KLHL2: variants seen among roughly 807,000 people sequenced by gnomAD.
The protein encoded by KLHL2 is kelch-like protein 2.
Under a neutral mutation model 75.8 loss-of-function variants are expected in KLHL2, and 15 were observed. The ratio of observed to expected loss-of-function variants is 0.20; its 90% confidence interval spans 0.13 to 0.30. The LOEUF (loss-of-function observed/expected upper bound fraction) is 0.30, where lower values mean the gene tolerates loss of function less well. Among genes scored for constraint, KLHL2 ranks in the 10% least tolerant of loss-of-function variants. The pLI, the probability that KLHL2 is intolerant of heterozygous loss-of-function variation, is 1.00. For synonymous variants in KLHL2, 214 were observed against 251.9 expected (o/e 0.85, Z 1.42); for missense variants, 381 against 741.0 (o/e 0.51, Z 5.64).
In KLHL2 at chr4:165,251,554, T is replaced by C. The variant is rs887258572; in HGVS notation, c.382-11643T>C. 4.6e-5 allele frequency among the ~76,000 whole-genome samples: 7 copies of C among 151,974 alleles called. 1 individual carries two copies. Among genetic ancestry groups the C allele is most frequent in the Admixed American group, 1.3e-4 (2 of 15,282 alleles). On this transcript the variant is annotated intron_variant, in intron 4 of 14. Transcript: ENST00000226725. ...CTAGTTTGAGAAAACCTAGAAACCT[T>C]AGTATAAGAGCATCTTATAAAGCTA...
At chr4:165,238,007 G>A (rs1235507884) in intron 3 of KLHL2, among the ~76,000 whole-genome samples, 8 of 152,226 alleles carry the variant, frequency 5.3e-5, no homozygotes, top group Admixed American at 1.3e-4. Flanking sequence ...TTCCACAAGT[G>A]GGTATTAGGA....
rs554343714 is a variant in KLHL2, at chr4:165,270,378, C to T, written c.544+7019C>T. 1.1e-4 allele frequency among the ~76,000 whole-genome samples: 16 copies of T among 152,292 alleles called. No homozygotes were observed. In the South Asian group the frequency reaches 1.5e-3, roughly 14 times the overall value. On this transcript the variant is annotated intron_variant, in intron 5 of 14. Transcript: ENST00000226725. The stretch of plus-strand genomic sequence containing the variant: ...TTGTTCCCTTGCTGCCGAGGAGCTG[C>T]GATCCTTTGAAGGAGAAGAGATGCT...
chr4:165,279,397 G>A (rs1743459976), intron 5 of KLHL2: 1 of 1,587,812 alleles, frequency 6.3e-7, no homozygotes, highest in Admixed American at 1.7e-5. Flanking sequence ...CTTTTATGTT[G>A]GAAATACCAA....
chr4:165,313,170 G>T, intron 11 of KLHL2, 68 bp from the exon 12 acceptor site: 1 of 1,519,372 alleles, frequency 6.6e-7, no homozygotes, highest in Non-Finnish European at 9.0e-7. Flanking sequence ...TTTCTGGCTT[G>T]AAAAATTAGT....
intron 8 of KLHL2, among the ~76,000 whole-genome samples, chr4:165,303,248 T>G (rs1745467057): frequency 6.6e-6 from 1 of 152,202 alleles, no homozygotes; most frequent in African/African-American, 2.4e-5. Context: ...AAAAGTGAAC[T>G]ATTGCGTGGA....
rs756405308 is a variant in KLHL2 at position 165,279,043 on chromosome 4, A to G, written c.545-15316A>G. 4.6e-6 allele frequency: 7 copies of G among 1,507,366 alleles called. No homozygotes were observed. In the Admixed American group the frequency reaches 5.0e-5, roughly 11 times the overall value. 93.4% of individuals were successfully genotyped at this position (1,507,366 alleles called of 1,614,324 possible). A position where few individuals can be genotyped will look rare whatever the true frequency, so the allele number is the denominator to read the frequency against. ...TGTTGAAAAGCATAGTCCTACTTGC[A>G]TTTGTTACATCTGTACAGTGGACAC... On this transcript the variant is annotated intron_variant, in intron 5 of 14. Coordinates refer to ENST00000226725, the MANE Select transcript of KLHL2 (RefSeq NM_007246.4).
At chr4:165,220,580 T>C (rs1227588676) in intron 2 of KLHL2, among the ~76,000 whole-genome samples, 13 of 152,192 alleles carry the variant, frequency 8.5e-5, no homozygotes, top group African/African-American at 2.7e-4. Flanking sequence ...AAGTTAAAAA[T>C]AAGAGAATAT....
chr4:165,254,698 T>C (rs772869003), intron 4 of KLHL2, among the ~76,000 whole-genome samples: 2 of 152,226 alleles, frequency 1.3e-5, no homozygotes, highest in Non-Finnish European at 2.9e-5. Flanking sequence ...TGTATTGTAG[T>C]TATAAAATGC....
intron 8 of KLHL2, among the ~76,000 whole-genome samples, chr4:165,303,201 T>C (rs1308948635): frequency 6.6e-6 from 1 of 152,230 alleles, no homozygotes; most frequent in African/African-American, 2.4e-5. Flanking sequence ...CTGTATGTAA[T>C]AGCACAGTTT....
chr4:165,274,918 G>A (rs1289374706), intron 5 of KLHL2, among the ~76,000 whole-genome samples: 4 of 146,094 alleles, frequency 2.7e-5, no homozygotes, highest in South Asian at 2.1e-4. Flanking sequence ...TGCTCACCCC[G>A]AGATGCTCTC....
intron 3 of KLHL2, among the ~76,000 whole-genome samples, chr4:165,237,930 C>T (rs1369239107): frequency 6.6e-6 from 1 of 152,046 alleles, no homozygotes; most frequent in Non-Finnish European, 1.5e-5. Flanking sequence ...TTAAACTTGC[C>T]TCCTACTCTC....
chr4:165,246,195 A>T (rs912523470), intron 4 of KLHL2, among the ~76,000 whole-genome samples: 1 of 152,126 alleles, frequency 6.6e-6, no homozygotes, highest in Non-Finnish European at 1.5e-5. Context: ...AAAGGACCTG[A>T]GATGTGAATA....
At chr4:165,229,120 A>G (rs1267891367) in intron 3 of KLHL2, among the ~76,000 whole-genome samples, 3 of 152,176 alleles carry the variant, frequency 2.0e-5, no homozygotes, top group African/African-American at 7.2e-5. Context: ...TACACTCACA[A>G]TTTTATGCTC....
At chr4:165,220,886 T>A (rs1307879279) in intron 2 of KLHL2, among the ~76,000 whole-genome samples, 3 of 152,316 alleles carry the variant, frequency 2.0e-5, no homozygotes, top group African/African-American at 7.2e-5. Flanking sequence ...GCTTTTTTTT[T>A]AATTAAAAGG....
Position 165,242,960 on chromosome 4 carries a change from G to C in KLHL2, c.381+4061G>C, listed in dbSNP as rs375631052. 3.9e-5 allele frequency among the ~76,000 whole-genome samples: 6 copies of C among 152,296 alleles called. No homozygotes were observed. In the East Asian group the frequency reaches 1.2e-3, roughly 29 times the overall value. ...ATGTTTTTGCCTCCATATAAGATAG[G>C]TGTTACCCCAATGTGATTGAAGAAA... On this transcript the variant is annotated intron_variant, in intron 4 of 14. Transcript: ENST00000226725.
At chr4:165,245,565 G>A (rs1312016254) in intron 4 of KLHL2, among the ~76,000 whole-genome samples, 1 of 152,188 alleles carries the variant, frequency 6.6e-6, no homozygotes, top group Non-Finnish European at 1.5e-5. Flanking sequence ...GGCTTGTTAT[G>A]TGGGGCATTA....
chr4:165,254,729 G>A (rs1003693151), intron 4 of KLHL2, among the ~76,000 whole-genome samples: 5 of 152,108 alleles, frequency 3.3e-5, no homozygotes, highest in South Asian at 4.1e-4. Context: ...TTCTATATTC[G>A]CTTGATAACT....
intron 9 of KLHL2, 133 bp downstream of exon 9, chr4:165,305,858 A>G (rs1008226158): frequency 3.7e-5 from 24 of 650,996 alleles, no homozygotes; most frequent in Middle Eastern, 4.1e-4. Context: ...GTTAAACAGT[A>G]ATTCAGGGGC....
intron 5 of KLHL2, among the ~76,000 whole-genome samples, chr4:165,285,627 G>T (rs368615738): frequency 2.6e-5 from 4 of 152,066 alleles, no homozygotes; most frequent in Non-Finnish European, 5.9e-5. Flanking sequence ...GGCTGGTATC[G>T]AACTTTTGAC....
Sources: gnomAD v4.1 joint callset for allele counts (sites outside exome capture counted in the v4.1 genomes callset) on GRCh38, gnomAD v4.1.1 for gene constraint, MANE v1.5 for transcripts, NCBI Gene and HGNC (gene_info 2026-07-23, HGNC 2026-07-21) for gene names.